Variants in MAGI3 observed in about 807,000 individuals in gnomAD.
The protein encoded by MAGI3 is membrane-associated guanylate kinase, WW and PDZ domain-containing protein 3.
In MAGI3, 43 loss-of-function variants were observed where a neutral mutation model predicts 121.8. That is an observed-to-expected ratio of 0.35 (90% confidence interval 0.28 to 0.46). The LOEUF is 0.46. MAGI3 is among the 20% of genes least tolerant of loss of function. The probability of loss-of-function intolerance (pLI) is 1.00; values close to 1 mark genes in which losing one functional copy is unlikely to be tolerated. For synonymous variants in MAGI3, 553 were observed against 639.3 expected (o/e 0.86, Z 2.04); for missense variants, 1,547 against 1,797.3 (o/e 0.86, Z 2.52).
At chr1:113,466,942 A>G (rs1397282751) in intron 1 of MAGI3, among the ~76,000 whole-genome samples, 2 of 151,112 alleles carry the variant, frequency 1.3e-5, no homozygotes, top group African/African-American at 2.4e-5. Flanking sequence ...AATTTCATTT[A>G]TTTCTGCTCT....
intron 19 of MAGI3, among the ~76,000 whole-genome samples, chr1:113,673,812 G>A (rs1291113301): frequency 3.3e-5 from 5 of 152,156 alleles, no homozygotes; most frequent in Non-Finnish European, 7.3e-5. Flanking sequence ...GAGAAAGCGA[G>A]GATCAAATAG....
chr1:113,681,563 G>GA (rs1376587451), intron 20 of MAGI3, among the ~76,000 whole-genome samples: 6 of 152,192 alleles, frequency 3.9e-5, no homozygotes, highest in East Asian at 3.9e-4. Flanking sequence ...AATTTAATCA[G>GA]AAAAAACATA....
rs189151852 is a variant in MAGI3 at position 113,624,121 on chromosome 1, G to A, written c.1360+1127G>A. ...CTAATTATCTGTCGATGGACATTTA[G>A]GTGGCTTCTAAATCTTGGCTATTGT... On this transcript the variant is annotated intron_variant, in intron 9 of 20. Coordinates refer to ENST00000307546, the MANE Select transcript of MAGI3 (RefSeq NM_001142782.2). 4.6e-5 allele frequency among the ~76,000 whole-genome samples: 7 copies of A among 152,258 alleles called. 1 individual carries two copies.
chr1:113,484,047 G>A lies in MAGI3; in HGVS notation c.317-65468G>A, dbSNP rs534641815. ...TATGTATCATATCGTTCATATGCAA[G>A]TTTCTCCAGTTTTCAGATTTAGAAA... On this transcript the variant is annotated intron_variant, in intron 1 of 20. Transcript: ENST00000307546. Among the ~76,000 whole-genome samples the A allele has an allele frequency of 1.2e-4, 19 of 152,188 alleles. No individual in the cohort carries two copies. In the East Asian group the frequency reaches 3.7e-3, roughly 29 times the overall value.
intron 1 of MAGI3, among the ~76,000 whole-genome samples, chr1:113,420,545 A>G (rs188138457): frequency 4.6e-5 from 7 of 152,318 alleles, no homozygotes; most frequent in Non-Finnish European, 1.0e-4. Flanking sequence ...TCAGGTGAAA[A>G]ATACTCAGAC....
chr1:113,542,543 A>G (rs1276053095), intron 1 of MAGI3, among the ~76,000 whole-genome samples: 1 of 152,148 alleles, frequency 6.6e-6, no homozygotes, highest in Non-Finnish European at 1.5e-5. Flanking sequence ...TTCTTCTTCA[A>G]TGTTTATCTT....
In MAGI3 at chr1:113,503,757, C is replaced by G. The variant is rs535551891; in HGVS notation, c.317-45758C>G. Among the ~76,000 whole-genome samples the G allele has an allele frequency of 2.7e-4, 41 of 150,970 alleles. 1 individual carries two copies. The highest frequency in any genetic ancestry group is 9.9e-4 in the African/African-American group (41 of 41,408). ...TCTAATTTGCATTCTCATATATTGG[C>G]TTAGCTTGGTTATTTGTAACAAGAA... On this transcript the variant is annotated intron_variant, in intron 1 of 20. Transcript: ENST00000307546.
intron 1 of MAGI3, among the ~76,000 whole-genome samples, chr1:113,487,109 CT>C (rs1285419196): frequency 1.3e-5 from 2 of 152,108 alleles, no homozygotes; most frequent in Admixed American, 1.3e-4. Context: ...GATATTTAAA[CT>C]ATTAAATATG....
At chr1:113,427,261 T>C (rs2101406216) in intron 1 of MAGI3, among the ~76,000 whole-genome samples, 1 of 152,312 alleles carries the variant, frequency 6.6e-6, no homozygotes, top group East Asian at 1.9e-4. Flanking sequence ...TCTCAGGCCT[T>C]TGAGGCCAAA....
At chr1:113,643,716 T>A (rs748131315) in intron 10 of MAGI3, 27 bp from the exon 11 acceptor site, 34 of 1,612,478 alleles carry the variant, frequency 2.1e-5, no homozygotes, top group Non-Finnish European at 2.8e-5. Context: ...CCTCTGGTTT[T>A]AAACTTTGGT....
intron 1 of MAGI3, among the ~76,000 whole-genome samples, chr1:113,506,415 C>CTTT (rs1230551360): frequency 7.0e-6 from 1 of 142,904 alleles, no homozygotes; most frequent in Non-Finnish European, 1.5e-5. Flanking sequence ...CCTCATATCC[C>CTTT]TTTTTTTTTT....
At chr1:113,647,729 A>T (rs2101831793) in intron 12 of MAGI3, among the ~76,000 whole-genome samples, 1 of 152,342 alleles carries the variant, frequency 6.6e-6, no homozygotes, top group Middle Eastern at 3.4e-3. Context: ...ACATCTTGAT[A>T]ATCCCAAGCC....
At chr1:113,419,198 A>G (rs962639409) in intron 1 of MAGI3, among the ~76,000 whole-genome samples, 4 of 152,116 alleles carry the variant, frequency 2.6e-5, no homozygotes, top group African/African-American at 9.7e-5. Flanking sequence ...TTCTACTTTT[A>G]TCTTCAATAT....
At chr1:113,669,738 C>A (rs1413697484) in intron 16 of MAGI3, among the ~76,000 whole-genome samples, 1 of 152,080 alleles carries the variant, frequency 6.6e-6, no homozygotes, top group Non-Finnish European at 1.5e-5. Flanking sequence ...CCATGTTGGC[C>A]AGGCTGGTCT....
intron 1 of MAGI3, among the ~76,000 whole-genome samples, chr1:113,544,564 G>C (rs1659444153): frequency 6.6e-6 from 1 of 152,186 alleles, no homozygotes; most frequent in African/African-American, 2.4e-5. Flanking sequence ...GTTTCTTAAA[G>C]GATGTGCATG....
rs372529348 is a variant in MAGI3, at chr1:113,666,782, A to G, written c.2816-4952A>G. On this transcript the variant is annotated intron_variant, in intron 16 of 20. Coordinates refer to ENST00000307546, the MANE Select transcript of MAGI3 (RefSeq NM_001142782.2). ...TATCTGTGGCAGCTATAGACTTACC[A>G]AATATATTTCTTAAAATACTAAGAC... 5.3e-5 allele frequency among the ~76,000 whole-genome samples: 8 copies of G among 152,322 alleles called. No individual in the cohort carries two copies. The East Asian group carries it at 9.6e-4, about 18-fold the overall frequency.
intron 1 of MAGI3, among the ~76,000 whole-genome samples, chr1:113,414,089 G>T (rs879928902): frequency 6.6e-6 from 1 of 152,060 alleles, no homozygotes; most frequent in East Asian, 1.9e-4. Flanking sequence ...TAGCATGAAG[G>T]GCTGTTGAAT....
At chr1:113,412,240 T>C (rs573186274) in intron 1 of MAGI3, among the ~76,000 whole-genome samples, 88 of 152,266 alleles carry the variant, frequency 5.8e-4, no homozygotes, top group African/African-American at 2.1e-3. Context: ...CCATGGTGTA[T>C]ATGTGCCACA....
chr1:113,461,676 G>A (rs1655044707), intron 1 of MAGI3, among the ~76,000 whole-genome samples: 1 of 152,120 alleles, frequency 6.6e-6, no homozygotes, highest in African/African-American at 2.4e-5. Context: ...AAGATTTTAT[G>A]ACAAAGACAC....
Sources: allele counts gnomAD v4.1 joint callset (sites outside exome capture counted in the v4.1 genomes callset), GRCh38; gene constraint gnomAD v4.1.1; transcripts MANE v1.5; gene names NCBI Gene and HGNC (gene_info 2026-07-23, HGNC 2026-07-21).